Variants in GAREM1 observed in about 807,000 individuals in gnomAD.
The protein encoded by GAREM1 is GRB2-associated and regulator of MAPK protein 1.
Under a neutral mutation model 71.3 loss-of-function variants are expected in GAREM1, and 26 were observed. That is an observed-to-expected ratio of 0.36 (90% CI 0.27 to 0.51). The LOEUF (loss-of-function observed/expected upper bound fraction) is 0.51, where lower values mean the gene tolerates loss of function less well. GAREM1 is among the 20% of genes least tolerant of loss of function. The probability of loss-of-function intolerance (pLI) is 0.95; values close to 1 mark genes in which losing one functional copy is unlikely to be tolerated. For missense variants in GAREM1, 1,026 were observed against 1,103.1 expected, an observed-to-expected ratio of 0.93 and a Z score of 0.99; for synonymous variants, 440 against 433.2, an observed-to-expected ratio of 1.02 and a Z score of -0.20.
At position 32,364,023 on chromosome 18, in the gene GAREM1, TA is replaced by T. The variant is rs1567980804; in HGVS notation, c.262+28871del. On this transcript the variant is annotated intron_variant, in intron 2 of 5. Coordinates refer to ENST00000269209, the MANE Select transcript of GAREM1 (RefSeq NM_001242409.2). ...ATATATATATATATATATATATATA[TA>T]TATGTTTTTTTTTTTTTTTTTTTTT... Among the ~76,000 whole-genome samples, 155 of 70,820 alleles carry T rather than the reference TA, an allele frequency of 2.2e-3. 5 individuals carry two copies. The highest frequency in any genetic ancestry group is 0.013 in the African/African-American group (154 of 11,976). 46.5% of individuals were successfully genotyped at this position (70,820 alleles called of 152,430 possible).
rs1186450802 is a variant in GAREM1 at position 32,265,392 on chromosome 18, A to G, written c.*2479T>C. ...CCCTTAATAGAGGCTGACGTTTTAA[A>G]GACAGGACACACGTAATTCTCCATA... On this transcript the variant is annotated 3_prime_UTR_variant, in exon 6 of 6. Transcript: ENST00000269209. 6.6e-6 allele frequency: 1 copy of G among 152,250 alleles called. No individual in the cohort carries two copies. The highest frequency in any genetic ancestry group is 1.9e-4 in the East Asian group (1 of 5,194). The allele number at this position is 152,250 out of a possible 1,614,324, so 9.4% of individuals were successfully genotyped here. A position where few individuals can be genotyped will look rare whatever the true frequency, so the allele number is the denominator to read the frequency against.
At chr18:32,333,353 G>A (rs139196253) in intron 2 of GAREM1, among the ~76,000 whole-genome samples, 100 of 152,288 alleles carry the variant, frequency 6.6e-4, no homozygotes, top group Middle Eastern at 3.4e-3. Context: ...GAATGTTAGG[G>A]AGAGTGGGAA....
chr18:32,283,742 T>G (rs1217427051), intron 4 of GAREM1, among the ~76,000 whole-genome samples: 1 of 152,086 alleles, frequency 6.6e-6, no homozygotes, highest in African/African-American at 2.4e-5. Flanking sequence ...CCCCCAAGGA[T>G]TTTCTGGTTG....
intron 3 of GAREM1, among the ~76,000 whole-genome samples, chr18:32,307,482 C>T (rs1371007175): frequency 6.6e-6 from 1 of 152,098 alleles, no homozygotes; most frequent in African/African-American, 2.4e-5. Context: ...TTAACTCCTC[C>T]CCTGCTAGTT....
At position 32,406,505 on chromosome 18, in the gene GAREM1, A is replaced by G. The variant is rs182439824; in HGVS notation, c.122-13470T>C. Among the ~76,000 whole-genome samples the G allele has an allele frequency of 3.3e-5, 5 of 152,336 alleles. No homozygotes were observed. In the East Asian group the frequency reaches 7.7e-4, roughly 23 times the overall value. The stretch of plus-strand genomic sequence containing the variant: ...GAAACGGTGTGTGGTGGGGGGAAAG[A>G]GGTGAAATCATAGAAAACTGCTACA... On this transcript the variant is annotated intron_variant, in intron 1 of 5. Coordinates refer to ENST00000269209, the MANE Select transcript of GAREM1 (RefSeq NM_001242409.2).
chr18:32,279,213 C>T (rs1040414275), intron 4 of GAREM1, among the ~76,000 whole-genome samples: 8 of 152,176 alleles, frequency 5.3e-5, no homozygotes, highest in African/African-American at 1.9e-4. Context: ...TGGAACAAGA[C>T]TTATCCAATA....
At chr18:32,342,215 G>A (rs779046397) in intron 2 of GAREM1, among the ~76,000 whole-genome samples, 1 of 152,070 alleles carries the variant, frequency 6.6e-6, no homozygotes, top group Admixed American at 6.6e-5. Flanking sequence ...GAGGCGCAGA[G>A]GTTAAGCATC....
chr18:32,374,264 C>A (rs1458861), intron 2 of GAREM1, among the ~76,000 whole-genome samples: 2 of 152,118 alleles, frequency 1.3e-5, no homozygotes, highest in African/African-American at 4.8e-5. Context: ...TTCTACATTG[C>A]GTTCAGTCAT....
In GAREM1 at chr18:32,287,699, G is replaced by C; in HGVS notation, c.898C>G (p.His300Asp). 6.2e-7 allele frequency: 1 copy of C among 1,614,150 alleles called. No homozygotes were observed. Among genetic ancestry groups the C allele is most frequent in the Non-Finnish European group, 8.5e-7 (1 of 1,180,026 alleles). Residue 300 changes from histidine to aspartate, a missense_variant, in exon 4 of 6, where the codon CAC becomes GAC. His to Asp is a moderately conservative substitution (Grantham distance 81). This residue lies in a region of GAREM1 where 218 missense variants were observed against 296.8 expected (regional missense o/e 0.73). Transcript: ENST00000269209. The surrounding 1 kb of genome is among the most constrained non-coding windows in gnomAD (Gnocchi z 5.9). ...NKILPMHFPL[H>D]LTVPKFSLPE... ...AGGCTGAACTTGGGGACAGTCAAGT[G>C]CAAAGGAAAGTGCATGGGGAGGATC...
At chr18:32,388,748 C>T (rs1268562767) in intron 2 of GAREM1, among the ~76,000 whole-genome samples, 1 of 152,112 alleles carries the variant, frequency 6.6e-6, no homozygotes, top group Non-Finnish European at 1.5e-5. Flanking sequence ...GGCTGAGGAA[C>T]TTGTTCCAGA....
Position 32,393,040 on chromosome 18 carries a change from G to T in GAREM1, c.122-5C>A, listed in dbSNP as rs777862609. ...GCAGCCCTTCTACGCACTCTCCTAG[G>T]AAATACAATTTTATATGAGAAACTT... On this transcript the variant is annotated splice_region_variant and splice_polypyrimidine_tract_variant and intron_variant, in intron 1 of 5. Coordinates refer to ENST00000269209, the MANE Select transcript of GAREM1 (RefSeq NM_001242409.2). 31 of 1,609,802 alleles carry T rather than the reference G, an allele frequency of 1.9e-5. 2 individuals carry two copies. The South Asian group carries it at 3.3e-4, about 17-fold the overall frequency.
intron 2 of GAREM1, among the ~76,000 whole-genome samples, chr18:32,379,464 G>C: frequency 7.7e-6 from 1 of 129,206 alleles, no homozygotes; most frequent in Non-Finnish European, 1.6e-5. Context: ...GGAGGCCGGG[G>C]GGGGTGGGGG....
intron 1 of GAREM1, among the ~76,000 whole-genome samples, chr18:32,409,882 G>A (rs956261096): frequency 3.9e-5 from 6 of 152,088 alleles, no homozygotes; most frequent in African/African-American, 1.2e-4. Context: ...ATATACCATG[G>A]AATATTTCAG....
intron 4 of GAREM1, among the ~76,000 whole-genome samples, chr18:32,270,951 G>A (rs1429033263): frequency 7.4e-6 from 1 of 135,022 alleles, no homozygotes; most frequent in Non-Finnish European, 1.5e-5. Flanking sequence ...GCGCAGGTTG[G>A]AATGCAATGG....
At chr18:32,453,776 T>C (rs2048863543) in intron 1 of GAREM1, among the ~76,000 whole-genome samples, 1 of 152,128 alleles carries the variant, frequency 6.6e-6, no homozygotes, top group South Asian at 2.1e-4. Flanking sequence ...AGGACCCCCA[T>C]TCGATCAACT....
At chr18:32,468,079 G>A (rs560124381) in intron 1 of GAREM1, among the ~76,000 whole-genome samples, 2 of 152,284 alleles carry the variant, frequency 1.3e-5, no homozygotes, top group South Asian at 2.1e-4. Flanking sequence ...CAATGCTCAC[G>A]TTGGTGTAAA....
chr18:32,403,542 T>C (rs2048336898), intron 1 of GAREM1, among the ~76,000 whole-genome samples: 1 of 152,178 alleles, frequency 6.6e-6, no homozygotes, highest in Non-Finnish European at 1.5e-5. Flanking sequence ...CTAACTCAAG[T>C]GCTACCTTTG....
Position 32,265,705 on chromosome 18 carries a change from A to G in GAREM1, c.*2166T>C, listed in dbSNP as rs1197208033. On this transcript the variant is annotated 3_prime_UTR_variant, in exon 6 of 6. Transcript: ENST00000269209. ...TTTTGTGTAAAGTTTTTACAAAAAG[A>G]AAAAAAACGCTAAAAGGAGTCAGTT... is the stretch of plus-strand genomic sequence containing the variant. 6.6e-6 allele frequency: 1 copy of G among 151,932 alleles called. No homozygotes were observed. Among genetic ancestry groups the G allele is most frequent in the African/African-American group, 2.4e-5 (1 of 41,322 alleles). The allele number at this position is 151,932 out of a possible 1,614,324, so 9.4% of individuals were successfully genotyped here. A position where few individuals can be genotyped will look rare whatever the true frequency, so the allele number is the denominator to read the frequency against.
intron 3 of GAREM1, among the ~76,000 whole-genome samples, chr18:32,294,778 C>A (rs1201945976): frequency 6.6e-6 from 1 of 152,158 alleles, no homozygotes; most frequent in Non-Finnish European, 1.5e-5. Flanking sequence ...TTATAACTTA[C>A]ACAAATGATG....
Sources: allele counts gnomAD v4.1 joint callset (sites outside exome capture counted in the v4.1 genomes callset), GRCh38; gene constraint gnomAD v4.1.1; regional missense constraint gnomAD v4.1.1; non-coding constraint Gnocchi (gnomAD v3.1); transcripts MANE v1.5; gene names NCBI Gene and HGNC (gene_info 2026-07-23, HGNC 2026-07-21).